Variants in PLXNA4 observed in about 807,000 individuals in gnomAD.
PLXNA4 encodes the protein plexin-A4.
In PLXNA4, 44 loss-of-function variants were observed where a neutral mutation model predicts 191.8. The observed-to-expected ratio is 0.23, with a 90% CI of 0.18 to 0.29. The LOEUF (loss-of-function observed/expected upper bound fraction) is 0.29. Ranked by LOEUF, PLXNA4 falls within the 10% of genes least tolerant of loss-of-function variation. The pLI is 1.00. For synonymous variants in PLXNA4, 1,082 were observed against 1,009.5 expected (o/e 1.07, Z -1.36); for missense variants, 1,800 against 2,488.8 (o/e 0.72, Z 5.89).
At chr7:132,410,017 T>C (rs1427702611) in intron 3 of PLXNA4, among the ~76,000 whole-genome samples, 1 of 152,190 alleles carries the variant, frequency 6.6e-6, no homozygotes, top group Non-Finnish European at 1.5e-5. Context: ...ATTGAGTCCC[T>C]TGGGTTGAGA....
At position 132,367,434 on chromosome 7, in the gene PLXNA4, G is replaced by T. The variant is rs115928047; in HGVS notation, c.1372-69212C>A. Among the ~76,000 whole-genome samples, 47 of 152,056 alleles carry T rather than the reference G, an allele frequency of 3.1e-4. 1 individual carries two copies. In the East Asian group the frequency reaches 8.8e-3, roughly 28 times the overall value. ...AAAAGGATACACACTCGGGAGTGAGGTGGCAGGGAAGGAGGGAGATACAGA... is the reference window on the plus strand; with the variant it reads ...AAAAGGATACACACTCGGGAGTGAGTTGGCAGGGAAGGAGGGAGATACAGA... On this transcript the variant is annotated intron_variant, in intron 3 of 31. Coordinates refer to ENST00000321063, the MANE Select transcript of PLXNA4 (RefSeq NM_020911.2).
At chr7:132,402,217 G>A (rs952782142) in intron 3 of PLXNA4, among the ~76,000 whole-genome samples, 2 of 152,106 alleles carry the variant, frequency 1.3e-5, no homozygotes, top group South Asian at 2.1e-4. Flanking sequence ...TTCCAAGCCC[G>A]TAGCAAATTA....
At chr7:132,612,293 T>G (rs1803063878) in intron 2 of PLXNA4, among the ~76,000 whole-genome samples, 1 of 152,134 alleles carries the variant, frequency 6.6e-6, no homozygotes, top group South Asian at 2.1e-4. Context: ...TTACTAAGAA[T>G]GGAAGGAACA....
intron 3 of PLXNA4, among the ~76,000 whole-genome samples, chr7:132,314,367 G>A (rs968173810): frequency 2.7e-4 from 41 of 152,114 alleles, no homozygotes; most frequent in African/African-American, 7.7e-4. Context: ...AAAACAAAAC[G>A]AAGCCCTCTA....
At chr7:132,504,253 T>C (rs773156396) in intron 2 of PLXNA4, among the ~76,000 whole-genome samples, 4 of 152,250 alleles carry the variant, frequency 2.6e-5, no homozygotes, top group Non-Finnish European at 5.9e-5. Context: ...GGCTCTGGCC[T>C]GCCCAGTGCT....
At chr7:132,277,477 C>G (rs1800324690) in intron 4 of PLXNA4, among the ~76,000 whole-genome samples, 1 of 152,280 alleles carries the variant, frequency 6.6e-6, no homozygotes, top group East Asian at 1.9e-4. Flanking sequence ...GTGAGGATGA[C>G]TCAGTATAGG....
intron 1 of PLXNA4, among the ~76,000 whole-genome samples, chr7:132,557,066 A>G (rs1800833324): frequency 6.6e-6 from 1 of 152,204 alleles, no homozygotes; most frequent in Non-Finnish European, 1.5e-5. Context: ...GGGTGGGAGA[A>G]GCTTAGAGAC....
intron 3 of PLXNA4, among the ~76,000 whole-genome samples, chr7:132,458,809 T>TA (rs1318577674): frequency 6.6e-6 from 1 of 152,006 alleles, no homozygotes; most frequent in Non-Finnish European, 1.5e-5. Flanking sequence ...GACAGTGCAA[T>TA]AAAAAGTTAC....
chr7:132,433,773 C>A (rs542643787), intron 3 of PLXNA4, among the ~76,000 whole-genome samples: 11 of 152,296 alleles, frequency 7.2e-5, no homozygotes, highest in Non-Finnish European at 1.2e-4. Flanking sequence ...CAGGTCAGCC[C>A]TGACTTCCTA....
rs1794797269 is a variant in PLXNA4, at chr7:132,127,344, G to A, written c.*3135C>T. The A allele has an allele frequency of 6.6e-6, 1 of 152,064 alleles. No individual in the cohort carries two copies. The highest frequency in any genetic ancestry group is 2.4e-5 in the African/African-American group (1 of 41,404). 9.4% of individuals were successfully genotyped at this position (152,064 alleles called of 1,614,324 possible). A position where few individuals can be genotyped will look rare whatever the true frequency, so the allele number is the denominator to read the frequency against. On this transcript the variant is annotated 3_prime_UTR_variant, in exon 32 of 32. Coordinates refer to ENST00000321063, the MANE Select transcript of PLXNA4 (RefSeq NM_020911.2). Reference sequence around the variant, plus strand: ...TTTGCCTCGAGGGAGGCCGTGAAGGGGCCTCCATCCCACAGGACAAAGTTG... The same window carrying A: ...TTTGCCTCGAGGGAGGCCGTGAAGGAGCCTCCATCCCACAGGACAAAGTTG...
At chr7:132,302,986 C>T (rs1216654421) in intron 3 of PLXNA4, among the ~76,000 whole-genome samples, 2 of 152,088 alleles carry the variant, frequency 1.3e-5, no homozygotes, top group Non-Finnish European at 2.9e-5. Context: ...AAGCGATTCT[C>T]CTGCCTCAGC....
intron 3 of PLXNA4, among the ~76,000 whole-genome samples, chr7:132,330,392 T>C (rs1348472999): frequency 1.3e-5 from 2 of 152,128 alleles, no homozygotes; most frequent in East Asian, 3.9e-4. Context: ...GCCTTTCCAG[T>C]AATCACTGAG....
chr7:132,555,049 A>AAAAAAAACAAAAAAC (rs1268882274), intron 1 of PLXNA4, among the ~76,000 whole-genome samples: 5 of 151,190 alleles, frequency 3.3e-5, no homozygotes, highest in Admixed American at 2.6e-4. Context: ...CTGAAGGAAA[A>AAAAAAAACAAAAAAC]AAAAAAACAA....
chr7:132,564,303 C>G (rs540080077), intron 1 of PLXNA4, among the ~76,000 whole-genome samples: 7 of 143,548 alleles, frequency 4.9e-5, no homozygotes, highest in Non-Finnish European at 1.5e-5. Context: ...GCTGCTCCTC[C>G]TCCTCTCCTT....
At chr7:132,540,667 A>C (rs1018198565) in intron 1 of PLXNA4, among the ~76,000 whole-genome samples, 9 of 136,380 alleles carry the variant, frequency 6.6e-5, no homozygotes, top group African/African-American at 2.5e-4. Context: ...GGCTCACTGC[A>C]AGCTCCGCTT....
At chr7:132,228,270 G>T in intron 6 of PLXNA4, 76 bp downstream of exon 6, 1 of 1,588,602 alleles carries the variant, frequency 6.3e-7, no homozygotes. Flanking sequence ...GAGGGGCCTT[G>T]GGCTAAGGCA....
At chr7:132,383,831 T>C (rs751970944) in intron 3 of PLXNA4, 44 of 985,330 alleles carry the variant, frequency 4.5e-5, no homozygotes, top group Non-Finnish European at 5.2e-5. Context: ...TATTTACACA[T>C]TGTTTTGCAG....
chr7:132,626,749 C>A (rs1803383717), intron 2 of PLXNA4, among the ~76,000 whole-genome samples: 1 of 152,080 alleles, frequency 6.6e-6, no homozygotes, highest in Non-Finnish European at 1.5e-5. Flanking sequence ...CAAGAATGAC[C>A]TAACACATCT....
intron 3 of PLXNA4, among the ~76,000 whole-genome samples, chr7:132,488,642 C>G (rs893571426): frequency 1.3e-5 from 2 of 152,162 alleles, no homozygotes; most frequent in Non-Finnish European, 2.9e-5. Flanking sequence ...CATCCCTGGG[C>G]GGATGACTGC....
Sources: gnomAD v4.1 joint callset for allele counts (sites outside exome capture counted in the v4.1 genomes callset) on GRCh38, gnomAD v4.1.1 for gene constraint, MANE v1.5 for transcripts, NCBI Gene and HGNC (gene_info 2026-07-23, HGNC 2026-07-21) for gene names.